Variants in MTOR observed in about 807,000 individuals in gnomAD.
The protein encoded by MTOR is serine/threonine-protein kinase mTOR.
A neutral mutation model predicts 319.8 loss-of-function variants in MTOR; 70 were observed. The observed-to-expected ratio is 0.22, with a 90% CI of 0.18 to 0.27. MTOR has a LOEUF of 0.27. MTOR is among the 10% of genes least tolerant of loss of function. The pLI is 1.00. For synonymous variants in MTOR, 1,183 were observed against 1,211.4 expected, an observed-to-expected ratio of 0.98 and a Z score of 0.49; for missense variants, 1,890 against 3,274.4, an observed-to-expected ratio of 0.58 and a Z score of 10.32.
Position 11,115,559 on chromosome 1 carries a change from G to A in MTOR, c.7017-91C>T. 1 of 1,269,144 alleles carries A rather than the reference G, an allele frequency of 7.9e-7. No individual in the cohort carries two copies. Among genetic ancestry groups the A allele is most frequent in the East Asian group, 2.3e-5 (1 of 42,824 alleles). The allele number at this position is 1,269,144 out of a possible 1,614,324, so 78.6% of individuals were successfully genotyped here. On this transcript the variant is annotated intron_variant, in intron 50 of 57. Coordinates refer to ENST00000361445, the MANE Select transcript of MTOR (RefSeq NM_004958.4). The surrounding 1 kb of genome is among the most constrained non-coding windows in gnomAD (Gnocchi z 4.5). ...TACGTGATACTGTAAGCTAGGAGTT[G>A]GCAAACGATAGCCCTCAGCCAATCC...
Position 11,130,652 on chromosome 1 carries a change from A to C in MTOR, c.5490T>G (p.Thr1830=), listed in dbSNP as rs927433168. The change falls in exon 39 of 58, where the codon ACT becomes ACG. Residue 1830 remains threonine, a synonymous_variant. Coordinates refer to ENST00000361445, the MANE Select transcript of MTOR (RefSeq NM_004958.4). ...ASGANITNAT[T]AATTAATATT... ...TGGCAGTGGCGGCCGTGGTGGCGGCAGTGGTGGCGTTGGTGATGTTGGCCC... is the reference window on the plus strand; with the variant it reads ...TGGCAGTGGCGGCCGTGGTGGCGGCCGTGGTGGCGTTGGTGATGTTGGCCC... 1.9e-6 allele frequency: 3 copies of C among 1,610,930 alleles called. No homozygotes were observed. The highest frequency in any genetic ancestry group is 3.3e-5 in the Admixed American group (2 of 59,864).
intron 14 of MTOR, 90 bp from the exon 15 acceptor site, chr1:11,233,577 T>C: frequency 1.0e-6 from 1 of 969,950 alleles, no homozygotes; most frequent in South Asian, 1.4e-5. Flanking sequence ...CAAGAGACCA[T>C]CTCAGTCATA....
chr1:11,128,828 C>T lies in MTOR; in HGVS notation c.5811+27G>A. The T allele has an allele frequency of 6.3e-7, 1 of 1,583,850 alleles. No homozygotes were observed. Among genetic ancestry groups the T allele is most frequent in the Non-Finnish European group, 8.7e-7 (1 of 1,154,090 alleles). On this transcript the variant is annotated intron_variant, in intron 41 of 57. Transcript: ENST00000361445. This position sits in a 1 kb window ranked among gnomAD's most constrained non-coding sequence, Gnocchi z 5.3. The stretch of plus-strand genomic sequence containing the variant: ...CACACAGAAGAGAGACTTGGAGCCA[C>T]CTTCACCTGTAACCAAGTATCCTCA...
Position 11,121,215 on chromosome 1 carries a change from G to C in MTOR, c.6933+31C>G. The C allele has an allele frequency of 1.2e-6, 2 of 1,610,560 alleles. No individual in the cohort carries two copies. Among genetic ancestry groups the C allele is most frequent in the Non-Finnish European group, 1.7e-6 (2 of 1,179,784 alleles). On this transcript the variant is annotated intron_variant, in intron 49 of 57. Transcript: ENST00000361445. This position sits in a 1 kb window ranked among gnomAD's most constrained non-coding sequence, Gnocchi z 4.9. ...CCTATTGCGAGTGGGGGTTCCAGGA[G>C]AGCGCAGGTCTGCAGGGCCCAGTGG...
At chr1:11,195,171 C>A in intron 28 of MTOR, 1 of 882,688 alleles carries the variant, frequency 1.1e-6, no homozygotes, top group East Asian at 2.7e-5. Flanking sequence ...CCAAGGAGCA[C>A]AAAAAAATCA....
At chr1:11,242,865 T>C (rs1413017907) in intron 9 of MTOR, among the ~76,000 whole-genome samples, 1 of 152,198 alleles carries the variant, frequency 6.6e-6, no homozygotes, top group Non-Finnish European at 1.5e-5. Context: ...CAGTAAATAA[T>C]AACACTGAAA....
At chr1:11,222,698 A>G (rs1646707984) in intron 19 of MTOR, among the ~76,000 whole-genome samples, 1 of 152,022 alleles carries the variant, frequency 6.6e-6, no homozygotes, top group African/African-American at 2.4e-5. Flanking sequence ...TTAGAAAATC[A>G]CCATTTTGGG....
At chr1:11,194,748 T>C in intron 28 of MTOR, 1 of 1,600,204 alleles carries the variant, frequency 6.2e-7, no homozygotes, top group Non-Finnish European at 8.5e-7. Context: ...ACTGTACAGT[T>C]GATATTCCGG....
At chr1:11,200,557 A>G (rs1273428825) in intron 26 of MTOR, among the ~76,000 whole-genome samples, 2 of 152,186 alleles carry the variant, frequency 1.3e-5, no homozygotes, top group Non-Finnish European at 2.9e-5. Flanking sequence ...AAAAAACAGG[A>G]TATACCTACA....
chr1:11,119,433 T>C (rs1642376167), intron 49 of MTOR, among the ~76,000 whole-genome samples: 3 of 150,938 alleles, frequency 2.0e-5, no homozygotes, highest in Admixed American at 2.0e-4. Context: ...TAGCCGGGCA[T>C]GGAGGCGGGT....
chr1:11,120,229 A>G (rs1315039868), intron 49 of MTOR, among the ~76,000 whole-genome samples: 1 of 151,872 alleles, frequency 6.6e-6, no homozygotes, highest in African/African-American at 2.4e-5. Flanking sequence ...ATGCCCGGCT[A>G]ATTTTTTTGT....
intron 28 of MTOR, among the ~76,000 whole-genome samples, chr1:11,178,967 A>G (rs1432252130): frequency 6.6e-6 from 1 of 152,184 alleles, no homozygotes; most frequent in Non-Finnish European, 1.5e-5. Flanking sequence ...CTTCCACTCT[A>G]TTAAGGAGTT....
At chr1:11,124,384 G>A (rs774776342) in intron 47 of MTOR, 114 bp downstream of exon 47, 124 of 1,366,974 alleles carry the variant, frequency 9.1e-5, no homozygotes, top group Non-Finnish European at 1.2e-4. Context: ...TACCATGCCT[G>A]GCTCCCTAAT....
chr1:11,113,904 T>A (rs900272841), intron 53 of MTOR, among the ~76,000 whole-genome samples: 1 of 152,216 alleles, frequency 6.6e-6, no homozygotes, highest in African/African-American at 2.4e-5. Flanking sequence ...TCCTCCATGC[T>A]GTTCTCGTGA....
intron 28 of MTOR, among the ~76,000 whole-genome samples, chr1:11,184,375 T>G (rs1277449529): frequency 2.0e-5 from 3 of 152,184 alleles, no homozygotes; most frequent in Admixed American, 6.5e-5. Context: ...CGTCAGGGTA[T>G]TTAATATGAA....
intron 49 of MTOR, among the ~76,000 whole-genome samples, chr1:11,118,228 ATTTTTTTTTTT>A (rs771785403): frequency 0.059 from 7,184 of 120,900 alleles, 257 homozygotes; most frequent in South Asian, 0.13. Flanking sequence ...AACTTAGTTA[ATTTTTTTTTTT>A]TTTTTTTTTT....
intron 28 of MTOR, among the ~76,000 whole-genome samples, chr1:11,169,272 C>T (rs896157413): frequency 6.6e-6 from 1 of 152,128 alleles, no homozygotes; most frequent in Non-Finnish European, 1.5e-5. Context: ...ATAATCTTTC[C>T]AATCCATCAC....
chr1:11,171,455 A>G lies in MTOR; in HGVS notation c.4254-3938T>C, dbSNP rs1644811841. Among the ~76,000 whole-genome samples, 3 of 151,740 alleles carry G rather than the reference A, an allele frequency of 2.0e-5. No individual in the cohort carries two copies. In the South Asian group the frequency reaches 6.2e-4, roughly 31 times the overall value. Reference sequence around the variant, plus strand: ...AGGCACTGCACCTGGCCTCCAGCCTATTTTTAAATTTTAACATTACCGAAG... The same window carrying G: ...AGGCACTGCACCTGGCCTCCAGCCTGTTTTTAAATTTTAACATTACCGAAG... On this transcript the variant is annotated intron_variant, in intron 28 of 57. Coordinates refer to ENST00000361445, the MANE Select transcript of MTOR (RefSeq NM_004958.4).
At chr1:11,195,132 C>T (rs1298452037) in intron 28 of MTOR, 6 of 1,146,818 alleles carry the variant, frequency 5.2e-6, no homozygotes, top group Non-Finnish European at 7.3e-6. Context: ...TGAGAAACAG[C>T]CTATAATCTC....
Sources: gnomAD v4.1 joint callset for allele counts (sites outside exome capture counted in the v4.1 genomes callset) on GRCh38, gnomAD v4.1.1 for gene constraint, Gnocchi (gnomAD v3.1) non-coding constraint, MANE v1.5 for transcripts, NCBI Gene and HGNC (gene_info 2026-07-23, HGNC 2026-07-21) for gene names.